Variants in DDX10 observed in about 807,000 individuals in gnomAD.
DDX10 encodes the protein DEAD-box helicase 10.
In DDX10, 74 loss-of-function variants were observed where a neutral mutation model predicts 104.3. The ratio of observed to expected loss-of-function variants is 0.71; its 90% CI spans 0.59 to 0.86. The LOEUF (loss-of-function observed/expected upper bound fraction) is 0.86. Among genes scored for constraint, DDX10 ranks in the 40% least tolerant of loss-of-function variants. The probability of loss-of-function intolerance (pLI) is 0.00; values close to 1 mark genes in which losing one functional copy is unlikely to be tolerated. For missense variants in DDX10, 952 were observed against 1,040.0 expected (o/e 0.92, Z 1.16); for synonymous variants, 351 against 353.4 (o/e 0.99, Z 0.08).
Position 108,673,520 on chromosome 11 carries a change from A to C in DDX10, c.240A>C (p.Thr80=). 1 of 1,591,902 alleles carries C rather than the reference A, an allele frequency of 6.3e-7. No homozygotes were observed. The highest frequency in any genetic ancestry group is 8.6e-7 in the Non-Finnish European group (1 of 1,160,688). ...CAGATTTTCCCTTGTCCAAAAAAAC[A>C]TTGAAAGGTAAGTATATGGTGATCT... ...RFSDFPLSKK[T]LKGLQEAQYR... is the part of the protein sequence containing the mutation. Residue 80 remains threonine (T), a synonymous_variant, in exon 2 of 18, where the codon ACA becomes ACC. Coordinates refer to ENST00000322536, the MANE Select transcript of DDX10 (RefSeq NM_004398.4).
At chr11:108,866,168 T>A (rs1342233459) in intron 16 of DDX10, among the ~76,000 whole-genome samples, 2 of 151,910 alleles carry the variant, frequency 1.3e-5, no homozygotes, top group African/African-American at 4.8e-5. Flanking sequence ...GGAGAGTGAA[T>A]GAGAGAAAGA....
intron 3 of DDX10, among the ~76,000 whole-genome samples, chr11:108,676,216 G>A (rs898958809): frequency 6.6e-6 from 1 of 152,160 alleles, no homozygotes; most frequent in African/African-American, 2.4e-5. Context: ...CAAAACAGTA[G>A]AGCTTCTTAG....
intron 13 of DDX10, among the ~76,000 whole-genome samples, chr11:108,801,956 A>T (rs529114580): frequency 1.3e-5 from 2 of 151,112 alleles, no homozygotes; most frequent in African/African-American, 4.9e-5. Flanking sequence ...CCTATTTGTA[A>T]TTTTTTTTAA....
intron 13 of DDX10, among the ~76,000 whole-genome samples, chr11:108,769,115 C>T (rs943472770): frequency 4.6e-5 from 7 of 151,922 alleles, no homozygotes; most frequent in Admixed American, 4.6e-4. Context: ...ATTTTGTATA[C>T]ATAGTCACTG....
chr11:108,861,990 G>A (rs1862947516), intron 16 of DDX10, among the ~76,000 whole-genome samples: 2 of 152,140 alleles, frequency 1.3e-5, no homozygotes, highest in Admixed American at 6.5e-5. Flanking sequence ...TTGCACCACC[G>A]CACTCCAGCC....
intron 13 of DDX10, among the ~76,000 whole-genome samples, chr11:108,734,673 TA>T (rs1276622548): frequency 2.0e-5 from 3 of 152,198 alleles, no homozygotes; most frequent in Non-Finnish European, 4.4e-5. Flanking sequence ...ACTGAATTTT[TA>T]AATCTACTTT....
At chr11:108,856,710 CAAAGTA>C (rs1862875064) in intron 16 of DDX10, among the ~76,000 whole-genome samples, 1 of 152,014 alleles carries the variant, frequency 6.6e-6, no homozygotes, top group African/African-American at 2.4e-5. Flanking sequence ...TATTATTTGA[CAAAGTA>C]AAAACCCATT....
At chr11:108,768,203 G>T (rs1419449354) in intron 13 of DDX10, among the ~76,000 whole-genome samples, 1 of 152,146 alleles carries the variant, frequency 6.6e-6, no homozygotes, top group African/African-American at 2.4e-5. Flanking sequence ...GTGGATTTTT[G>T]ACTGCCTGCC....
At chr11:108,686,909 C>G (rs1435515133) in intron 6 of DDX10, among the ~76,000 whole-genome samples, 1 of 152,004 alleles carries the variant, frequency 6.6e-6, no homozygotes, top group African/African-American at 2.4e-5. Flanking sequence ...CTCAGCCTCC[C>G]AAGTAGCTGG....
chr11:108,714,359 C>A (rs954146363), intron 10 of DDX10, among the ~76,000 whole-genome samples: 1 of 148,924 alleles, frequency 6.7e-6, no homozygotes, highest in Non-Finnish European at 1.5e-5. Flanking sequence ...TCACCTCTCT[C>A]TTTCCTGTGT....
chr11:108,937,228 G>A (rs926890833), intron 17 of DDX10, among the ~76,000 whole-genome samples: 2 of 152,160 alleles, frequency 1.3e-5, no homozygotes. Context: ...GGACTGGGAG[G>A]AAGGCTGACC....
intron 1 of DDX10, 62 bp downstream of exon 1, chr11:108,665,401 G>T (rs1371660293): frequency 2.7e-6 from 4 of 1,487,864 alleles, no homozygotes; most frequent in African/African-American, 1.4e-5. Flanking sequence ...TCTCACTGCG[G>T]CGAGGAGTTG....
At chr11:108,685,391 C>T (rs907908652) in intron 6 of DDX10, among the ~76,000 whole-genome samples, 3 of 151,552 alleles carry the variant, frequency 2.0e-5, no homozygotes, top group African/African-American at 4.9e-5. Context: ...TGCTTCGGCT[C>T]GCGCACGGTG....
At chr11:108,933,456 G>A (rs957293188) in intron 17 of DDX10, among the ~76,000 whole-genome samples, 29 of 152,210 alleles carry the variant, frequency 1.9e-4, no homozygotes, top group African/African-American at 7.0e-4. Context: ...GAGGGTTAAG[G>A]TTTTGATGTG....
chr11:108,880,000 A>G (rs1863206041), intron 16 of DDX10, among the ~76,000 whole-genome samples: 1 of 152,228 alleles, frequency 6.6e-6, no homozygotes, highest in South Asian at 2.1e-4. Context: ...CTTGAAGACT[A>G]GTTTTGAATA....
chr11:108,703,847 T>A (rs2094272106), intron 9 of DDX10, among the ~76,000 whole-genome samples: 1 of 152,182 alleles, frequency 6.6e-6, no homozygotes, highest in Admixed American at 6.5e-5. Flanking sequence ...GTGTGGGAGA[T>A]AACTTGTGGT....
chr11:108,908,952 A>G (rs929351006), intron 16 of DDX10, among the ~76,000 whole-genome samples: 1 of 152,216 alleles, frequency 6.6e-6, no homozygotes, highest in African/African-American at 2.4e-5. Context: ...GGTATAGTAT[A>G]AAGAAACATG....
chr11:108,829,912 T>C (rs1469138450), intron 13 of DDX10, among the ~76,000 whole-genome samples: 1 of 152,218 alleles, frequency 6.6e-6, no homozygotes, highest in Non-Finnish European at 1.5e-5. Context: ...TTCTGTTTAA[T>C]TGGTCTATGT....
At chr11:108,820,768 C>T (rs894260668) in intron 13 of DDX10, among the ~76,000 whole-genome samples, 4 of 152,160 alleles carry the variant, frequency 2.6e-5, no homozygotes, top group Non-Finnish European at 4.4e-5. Flanking sequence ...TCTAGGCTGC[C>T]CACAGTGACT....
Sources: gnomAD v4.1 joint callset for allele counts (sites outside exome capture counted in the v4.1 genomes callset) on GRCh38, gnomAD v4.1.1 for gene constraint, MANE v1.5 for transcripts, NCBI Gene and HGNC (gene_info 2026-07-23, HGNC 2026-07-21) for gene names.